The following ADAMTS20 variants were observed in gnomAD, a reference collection of about 807,000 sequenced individuals.
The protein encoded by ADAMTS20 is A disintegrin and metalloproteinase with thrombospondin motifs 20.
ADAMTS20 carries 225 observed loss-of-function variants against 260.1 expected under a neutral mutation model. The observed-to-expected ratio is 0.87, with a 90% confidence interval of 0.78 to 0.97. The LOEUF (loss-of-function observed/expected upper bound fraction) is 0.97. Among genes scored for constraint, ADAMTS20 ranks in the 50% least tolerant of loss-of-function variants. ADAMTS20 has a pLI of 0.00. For missense variants in ADAMTS20, 2,400 were observed against 2,337.7 expected, an observed-to-expected ratio of 1.03 and a Z score of -0.55; for synonymous variants, 802 against 769.5, an observed-to-expected ratio of 1.04 and a Z score of -0.70.
At chr12:43,432,983 G>T (rs988852085) in intron 19 of ADAMTS20, among the ~76,000 whole-genome samples, 172 bp from the exon 20 acceptor site, 12 of 152,304 alleles carry the variant, frequency 7.9e-5, no homozygotes, top group South Asian at 6.2e-4. Flanking sequence ...CCTCATGCCA[G>T]CACTTGGTGG....
intron 3 of ADAMTS20, among the ~76,000 whole-genome samples, chr12:43,523,867 C>T (rs1021872207): frequency 1.7e-5 from 2 of 115,520 alleles, no homozygotes. Flanking sequence ...CCAGCACCCC[C>T]CTCCCCCAAC....
chr12:43,395,759 T>A (rs998271145), intron 29 of ADAMTS20, among the ~76,000 whole-genome samples: 1 of 150,898 alleles, frequency 6.6e-6, no homozygotes, highest in Non-Finnish European at 1.5e-5. Context: ...TGACCATACT[T>A]CTTAGGAAGG....
intron 3 of ADAMTS20, among the ~76,000 whole-genome samples, chr12:43,526,673 G>A (rs1289426151): frequency 6.6e-6 from 1 of 152,144 alleles, no homozygotes; most frequent in Non-Finnish European, 1.5e-5. Context: ...AAATCTTTGG[G>A]ACAGGGCAAA....
At chr12:43,439,518 A>G (rs2137323940) in intron 18 of ADAMTS20, 104 bp downstream of exon 18, 4 of 1,351,990 alleles carry the variant, frequency 3.0e-6, no homozygotes, top group Non-Finnish European at 4.0e-6. Flanking sequence ...GGATATGTGT[A>G]TGGACAGTGG....
At chr12:43,363,090 C>T (rs1939908752) in intron 37 of ADAMTS20, among the ~76,000 whole-genome samples, 1 of 152,098 alleles carries the variant, frequency 6.6e-6, no homozygotes, top group Admixed American at 6.6e-5. Context: ...CCTGTGGCAT[C>T]TGAACCATGA....
chr12:43,468,234 T>TG, intron 8 of ADAMTS20, among the ~76,000 whole-genome samples: 1 of 152,316 alleles, frequency 6.6e-6, no homozygotes, highest in East Asian at 1.9e-4. Flanking sequence ...TACAAATATT[T>TG]GGGGGAGTCC....
intron 2 of ADAMTS20, among the ~76,000 whole-genome samples, chr12:43,534,814 G>GA (rs1432739949): frequency 1.3e-5 from 2 of 152,102 alleles, no homozygotes; most frequent in Non-Finnish European, 2.9e-5. Flanking sequence ...GGTTACTACT[G>GA]AAAAAACTCT....
At chr12:43,502,069 G>C (rs1942774188) in intron 4 of ADAMTS20, 83 bp downstream of exon 4, 2 of 1,334,424 alleles carry the variant, frequency 1.5e-6, no homozygotes, top group East Asian at 5.3e-5. Flanking sequence ...AAAGAGTTTG[G>C]AAAAAAAATT....
chr12:43,427,841 T>C (rs1941362399), intron 26 of ADAMTS20, among the ~76,000 whole-genome samples: 1 of 152,226 alleles, frequency 6.6e-6, no homozygotes, highest in Non-Finnish European at 1.5e-5. Context: ...ATGAATGTTA[T>C]GTAAAATATG....
At chr12:43,422,632 G>C (rs1941257498) in intron 28 of ADAMTS20, among the ~76,000 whole-genome samples, 1 of 151,900 alleles carries the variant, frequency 6.6e-6, no homozygotes, top group African/African-American at 2.4e-5. Context: ...CCTTTATTGT[G>C]ATTTTTAAAA....
Position 43,464,586 on chromosome 12 carries a change from C to T in ADAMTS20, c.1509+5G>A. On this transcript the variant is annotated splice_donor_5th_base_variant and intron_variant, in intron 10 of 38. Transcript: ENST00000389420. ...GAACAAAATAAAGGAATTTTCTTTT[C>T]TTACTATATGGGGACACATTTGTGA... 6.2e-7 allele frequency: 1 copy of T among 1,604,866 alleles called. No individual in the cohort carries two copies. Among genetic ancestry groups the T allele is most frequent in the Non-Finnish European group, 8.5e-7 (1 of 1,177,322 alleles).
At chr12:43,436,292 T>C (rs1316612849) in intron 18 of ADAMTS20, among the ~76,000 whole-genome samples, 3 of 152,030 alleles carry the variant, frequency 2.0e-5, no homozygotes, top group African/African-American at 7.2e-5. Context: ...GTGTGAGGGG[T>C]AGGCCTGAAA....
intron 28 of ADAMTS20, among the ~76,000 whole-genome samples, chr12:43,418,403 A>AG (rs1392022598): frequency 6.6e-6 from 1 of 152,114 alleles, no homozygotes; most frequent in African/African-American, 2.4e-5. Flanking sequence ...TCCGCCTCCC[A>AG]GGTTCAAGCG....
Position 43,432,173 on chromosome 12 carries a change from C to G in ADAMTS20, c.3096+131G>C, listed in dbSNP as rs976287445. 10 of 1,065,192 alleles carry G rather than the reference C, an allele frequency of 9.4e-6. No homozygotes were observed. The African/African-American group carries it at 1.6e-4, about 17-fold the overall frequency. 66.0% of individuals were successfully genotyped at this position (1,065,192 alleles called of 1,614,324 possible). A position where few individuals can be genotyped will look rare whatever the true frequency, so the allele number is the denominator to read the frequency against. On this transcript the variant is annotated intron_variant, in intron 21 of 38. Coordinates refer to ENST00000389420, the MANE Select transcript of ADAMTS20 (RefSeq NM_025003.5). ...CCTGGCCTGTCTTATAAATTTCTGA[C>G]AGCTTTGATAATAGTTATTTACAAA...
At chr12:43,515,559 A>G (rs1260397475) in intron 3 of ADAMTS20, among the ~76,000 whole-genome samples, 1 of 152,198 alleles carries the variant, frequency 6.6e-6, no homozygotes, top group African/African-American at 2.4e-5. Flanking sequence ...TGAAATGTTC[A>G]TCTAACCTTT....
intron 28 of ADAMTS20, among the ~76,000 whole-genome samples, chr12:43,416,148 C>G (rs958075926): frequency 5.3e-5 from 8 of 152,194 alleles, no homozygotes; most frequent in African/African-American, 1.2e-4. Context: ...TCTACTCTAC[C>G]TACAGACACT....
At chr12:43,520,842 G>A (rs1943061507) in intron 3 of ADAMTS20, among the ~76,000 whole-genome samples, 1 of 152,170 alleles carries the variant, frequency 6.6e-6, no homozygotes. Context: ...GTTATAAATA[G>A]TAGGGGCTTC....
At chr12:43,455,369 G>A (rs10467191) in intron 11 of ADAMTS20, among the ~76,000 whole-genome samples, 2,279 of 152,212 alleles carry the variant, frequency 0.015, 53 homozygotes, top group African/African-American at 0.051. Flanking sequence ...TCAAGGTACC[G>A]GCAGGTTTGG....
chr12:43,514,889 G>C (rs1400408094), intron 3 of ADAMTS20, among the ~76,000 whole-genome samples: 1 of 152,156 alleles, frequency 6.6e-6, no homozygotes, highest in East Asian at 1.9e-4. Context: ...TATCTACTGA[G>C]TGACTCTTGC....
Sources: gnomAD v4.1 joint callset for allele counts (sites outside exome capture counted in the v4.1 genomes callset) on GRCh38, gnomAD v4.1.1 for gene constraint, MANE v1.5 for transcripts, NCBI Gene and HGNC (gene_info 2026-07-23, HGNC 2026-07-21) for gene names.